The following RALGPS1 variants were observed in gnomAD, a reference collection of about 807,000 sequenced individuals.
RALGPS1 encodes the protein ras-specific guanine nucleotide-releasing factor RalGPS1.
A neutral mutation model predicts 78.8 loss-of-function variants in RALGPS1; 19 were observed. The observed-to-expected ratio is 0.24, with a 90% CI of 0.17 to 0.35. The LOEUF (loss-of-function observed/expected upper bound fraction) is 0.35. Ranked by LOEUF, RALGPS1 falls within the 10% of genes least tolerant of loss-of-function variation. RALGPS1 has a pLI of 1.00. For synonymous variants in RALGPS1, 228 were observed against 256.3 expected, an observed-to-expected ratio of 0.89 and a Z score of 1.06; for missense variants, 454 against 688.3, an observed-to-expected ratio of 0.66 and a Z score of 3.81.
chr9:126,931,979 A>G (rs536303753), intron 1 of RALGPS1, among the ~76,000 whole-genome samples: 1 of 101,098 alleles, frequency 9.9e-6, no homozygotes, highest in South Asian at 4.0e-4. Flanking sequence ...GTCCACAGAC[A>G]TGTTTTTTTT....
At chr9:126,998,847 G>C (rs1292185915) in intron 4 of RALGPS1, among the ~76,000 whole-genome samples, 2 of 151,594 alleles carry the variant, frequency 1.3e-5, no homozygotes, top group Non-Finnish European at 2.9e-5. Flanking sequence ...CATAAAAAAT[G>C]ATGAGTTCAT....
intron 8 of RALGPS1, among the ~76,000 whole-genome samples, chr9:127,137,281 C>T (rs1248667162): frequency 1.3e-5 from 2 of 152,202 alleles, no homozygotes; most frequent in Non-Finnish European, 2.9e-5. Flanking sequence ...AGACTAGTGG[C>T]CCACTCTAGG....
chr9:127,053,631 C>T (rs1326438110), intron 7 of RALGPS1, among the ~76,000 whole-genome samples: 2 of 152,144 alleles, frequency 1.3e-5, no homozygotes, highest in Non-Finnish European at 2.9e-5. Context: ...CTTTTAAGAC[C>T]TGTTTATATC....
intron 1 of RALGPS1, among the ~76,000 whole-genome samples, chr9:126,951,101 T>C (rs2037771676): frequency 6.6e-6 from 1 of 151,968 alleles, no homozygotes. Context: ...ACATACACTC[T>C]CCCAAGTCTA....
At chr9:127,006,830 C>T (rs1191301435) in intron 4 of RALGPS1, among the ~76,000 whole-genome samples, 2 of 151,978 alleles carry the variant, frequency 1.3e-5, no homozygotes, top group South Asian at 2.1e-4. Context: ...CAGGGTACAG[C>T]ATACTTTGTG....
chr9:127,085,684 C>G (rs2051642247), intron 8 of RALGPS1, among the ~76,000 whole-genome samples: 1 of 152,146 alleles, frequency 6.6e-6, no homozygotes, highest in Non-Finnish European at 1.5e-5. Context: ...TGAATCCTAA[C>G]TAGTTTAGAA....
At chr9:127,006,068 A>G (rs1050895607) in intron 4 of RALGPS1, among the ~76,000 whole-genome samples, 4 of 152,238 alleles carry the variant, frequency 2.6e-5, no homozygotes, top group Non-Finnish European at 4.4e-5. Context: ...CCTCAAAGTA[A>G]TAATAGCCAT....
intron 5 of RALGPS1, among the ~76,000 whole-genome samples, chr9:127,049,408 C>A (rs927423680): frequency 6.6e-6 from 1 of 152,136 alleles, no homozygotes; most frequent in African/African-American, 2.4e-5. Flanking sequence ...CCAAAGCTAC[C>A]ATCATACCCT....
At chr9:127,107,622 A>G (rs745705086) in intron 8 of RALGPS1, among the ~76,000 whole-genome samples, 5 of 152,222 alleles carry the variant, frequency 3.3e-5, no homozygotes, top group African/African-American at 4.8e-5. Context: ...TGCAGAGCCT[A>G]GAAAACTACA....
intron 3 of RALGPS1, among the ~76,000 whole-genome samples, chr9:126,971,482 CAG>C (rs950205821): frequency 2.6e-5 from 4 of 151,388 alleles, no homozygotes; most frequent in African/African-American, 9.7e-5. Flanking sequence ...TCTTTTTTGA[CAG>C]AAACATGTTT....
At chr9:126,978,890 A>G (rs916477100) in intron 4 of RALGPS1, among the ~76,000 whole-genome samples, 9 of 152,178 alleles carry the variant, frequency 5.9e-5, no homozygotes, top group Non-Finnish European at 8.8e-5. Flanking sequence ...CATGTGTCCA[A>G]TGCTGGTCCA....
intron 18 of RALGPS1, chr9:127,217,387 C>T (rs1753659266): frequency 3.0e-6 from 3 of 991,526 alleles, no homozygotes; most frequent in African/African-American, 1.7e-5. Flanking sequence ...ACAGTACATC[C>T]GTGTGATGGA....
At chr9:126,995,303 A>G (rs1394345729) in intron 4 of RALGPS1, among the ~76,000 whole-genome samples, 1 of 152,178 alleles carries the variant, frequency 6.6e-6, no homozygotes, top group Non-Finnish European at 1.5e-5. Context: ...GTGCAGAGAC[A>G]CACATAGGCT....
intron 8 of RALGPS1, among the ~76,000 whole-genome samples, chr9:127,144,483 C>T (rs1177757630): frequency 6.6e-6 from 1 of 152,172 alleles, no homozygotes; most frequent in Non-Finnish European, 1.5e-5. Flanking sequence ...TGTAGTGTGA[C>T]CCAGCAATTG....
chr9:127,028,240 T>C (rs1370943813), intron 4 of RALGPS1, among the ~76,000 whole-genome samples: 2 of 152,222 alleles, frequency 1.3e-5, no homozygotes, highest in African/African-American at 2.4e-5. Context: ...CACCCAGTTC[T>C]CCTCTAGGCT....
intron 5 of RALGPS1, among the ~76,000 whole-genome samples, chr9:127,036,129 C>G (rs1366629085): frequency 1.3e-5 from 2 of 152,202 alleles, no homozygotes; most frequent in African/African-American, 4.8e-5. Flanking sequence ...CAGCTCAGAC[C>G]AAGTGATGAA....
At chr9:127,151,440 T>TA (rs1453428930) in intron 8 of RALGPS1, among the ~76,000 whole-genome samples, 1 of 152,110 alleles carries the variant, frequency 6.6e-6, no homozygotes, top group African/African-American at 2.4e-5. Flanking sequence ...ATTTCATGGG[T>TA]AAACAATCCT....
chr9:127,169,475 A>T lies in RALGPS1; in HGVS notation c.842+703A>T, dbSNP rs1319858729. On this transcript the variant is annotated intron_variant, in intron 10 of 18. Coordinates refer to ENST00000259351, the MANE Select transcript of RALGPS1 (RefSeq NM_014636.3). Reference sequence around the variant, plus strand: ...GAAAAGAAGGATTTTTTTCGTGTTAACTCTGTCTGCCATACTGCTTGGCAA... The same window carrying T: ...GAAAAGAAGGATTTTTTTCGTGTTATCTCTGTCTGCCATACTGCTTGGCAA... Among the ~76,000 whole-genome samples the T allele has an allele frequency of 2.0e-5, 3 of 151,876 alleles. No homozygotes were observed. In the East Asian group the frequency reaches 5.8e-4, roughly 29 times the overall value.
At chr9:127,108,172 G>A in intron 8 of RALGPS1, 1 of 1,614,082 alleles carries the variant, frequency 6.2e-7, no homozygotes, top group South Asian at 1.1e-5. Context: ...GGCCAGTGTG[G>A]CCAGGTGCTG....
Sources: gnomAD v4.1 joint callset for allele counts (sites outside exome capture counted in the v4.1 genomes callset) on GRCh38, gnomAD v4.1.1 for gene constraint, MANE v1.5 for transcripts, NCBI Gene and HGNC (gene_info 2026-07-23, HGNC 2026-07-21) for gene names.